PSAP: variants seen among roughly 807,000 people sequenced by gnomAD.
PSAP encodes precursor of saposins.
A neutral mutation model predicts 66.0 loss-of-function variants in PSAP; 25 were observed. The ratio of observed to expected loss-of-function variants is 0.38; its 90% CI spans 0.28 to 0.53. The LOEUF is 0.53. PSAP is among the 20% of genes least tolerant of loss of function. The probability of loss-of-function intolerance (pLI) is 0.83; values close to 1 mark genes in which losing one functional copy is unlikely to be tolerated. For missense variants in PSAP, 649 were observed against 668.8 expected (o/e 0.97, Z 0.33); for synonymous variants, 273 against 258.9 (o/e 1.05, Z -0.52).
At chr10:71,829,653 C>T (rs973760597) in intron 4 of PSAP, among the ~76,000 whole-genome samples, 5 of 152,098 alleles carry the variant, frequency 3.3e-5, no homozygotes, top group African/African-American at 9.6e-5. Context: ...AGCATGAAAA[C>T]GGACTAATAC....
intron 2 of PSAP, 101 bp from the exon 3 acceptor site, chr10:71,832,021 G>C (rs983455275): frequency 8.3e-7 from 1 of 1,203,998 alleles, no homozygotes; most frequent in East Asian, 2.3e-5. Context: ...CTCTAACCAG[G>C]GATATGATCA....
intron 12 of PSAP, 68 bp downstream of exon 12, chr10:71,818,963 C>T (rs1842234660): frequency 3.4e-6 from 5 of 1,460,334 alleles, no homozygotes; most frequent in Non-Finnish European, 4.8e-6. Context: ...CAGAGCAACC[C>T]TTCCGGGTCT....
chr10:71,820,083 A>C (rs946639167), intron 9 of PSAP, among the ~76,000 whole-genome samples, 157 bp downstream of exon 9: 5 of 152,212 alleles, frequency 3.3e-5, no homozygotes, highest in African/African-American at 1.2e-4. Context: ...GCCAGCCTAG[A>C]GGTCCCACTG....
intron 1 of PSAP, among the ~76,000 whole-genome samples, chr10:71,850,733 G>A (rs1022596295): frequency 6.6e-6 from 1 of 152,212 alleles, no homozygotes; most frequent in African/African-American, 2.4e-5. Context: ...CTGCAGCTTC[G>A]CTACCCTTAC....
chr10:71,818,858 T>C (rs766054275), intron 12 of PSAP, 134 bp from the exon 13 acceptor site: 23 of 1,039,686 alleles, frequency 2.2e-5, no homozygotes, highest in Non-Finnish European at 6.0e-6. Flanking sequence ...AACATCAGGG[T>C]TGCTGAGGAA....
At chr10:71,821,544 G>A (rs1197323468) in intron 8 of PSAP, among the ~76,000 whole-genome samples, 9 of 152,298 alleles carry the variant, frequency 5.9e-5, no homozygotes, top group African/African-American at 2.2e-4. Context: ...CCACAGGATG[G>A]GGAAGGACCC....
rs779915400 is a variant in PSAP, at chr10:71,831,896, T to C, written c.199A>G (p.Lys67Glu). 1 of 1,614,072 alleles carries C rather than the reference T, an allele frequency of 6.2e-7. No homozygotes were observed. The highest frequency in any genetic ancestry group is 1.1e-5 in the South Asian group (1 of 91,084). The change falls in exon 3 of 14, where the codon AAA becomes GAA. Residue 67 changes from lysine to glutamate, a missense_variant. Transcript: ENST00000394936. ...TVKSLPCDIC[K>E]DVVTAAGDML... ...TCACCAGCTGCGGTGACAACGTCTT[T>C]GCATATGTCGCAGGGAAGGGATTTC...
At chr10:71,835,925 G>T (rs149802429) in intron 1 of PSAP, among the ~76,000 whole-genome samples, 268 of 151,468 alleles carry the variant, frequency 1.8e-3, no homozygotes, top group African/African-American at 5.9e-3. Flanking sequence ...TTCTACATAC[G>T]TGTGTAACAC....
intron 1 of PSAP, among the ~76,000 whole-genome samples, chr10:71,844,950 T>C (rs1842793506): frequency 6.6e-6 from 1 of 152,182 alleles, no homozygotes; most frequent in African/African-American, 2.4e-5. Context: ...CAGTCAAATG[T>C]GGTCTGAAAA....
Position 71,819,540 on chromosome 10 carries a change from T to A in PSAP, c.1275A>T (p.Lys425Asn). 1 of 1,614,176 alleles carries A rather than the reference T, an allele frequency of 6.2e-7. No homozygotes were observed. The highest frequency in any genetic ancestry group is 8.5e-7 in the Non-Finnish European group (1 of 1,180,036). Residue 425 changes from lysine (K) to asparagine (N), a missense_variant, in exon 11 of 14, where the codon AAA (lysine) becomes AAT (asparagine). Coordinates refer to ENST00000394936, the MANE Select transcript of PSAP (RefSeq NM_002778.4). Reference protein sequence around the residue: ...LVGYLDRNLEKNSTKQEILAA... With the variant: ...LVGYLDRNLENNSTKQEILAA... Reference sequence around the variant, plus strand: ...CCAGGATCTCCTGCTTGGTGCTGTTTTTCTCCAGGTTGCGATCCAAATAAC... The same window carrying A: ...CCAGGATCTCCTGCTTGGTGCTGTTATTCTCCAGGTTGCGATCCAAATAAC...
At chr10:71,819,317 AG>A (rs1842243034) in intron 11 of PSAP, 147 bp downstream of exon 11, 2 of 1,280,870 alleles carry the variant, frequency 1.6e-6, no homozygotes, top group African/African-American at 1.5e-5. Context: ...GCTCATCTTA[AG>A]CCAACAAATC....
intron 7 of PSAP, among the ~76,000 whole-genome samples, chr10:71,822,995 T>A (rs727415): frequency 0.34 from 51,453 of 150,184 alleles, 9,363 homozygotes; most frequent in East Asian, 0.62. Flanking sequence ...CAGCTGAAGA[T>A]ACAGCAAGCT....
chr10:71,819,065 A>G lies in PSAP; in HGVS notation c.1397T>C (p.Leu466Pro). 1 of 1,614,170 alleles carries G rather than the reference A, an allele frequency of 6.2e-7. No individual in the cohort carries two copies. The change falls in exon 12 of 14, where the codon CTG becomes CCG. Residue 466 changes from leucine to proline, a missense_variant. By Grantham distance (98) the Leu-to-Pro change is moderately conservative (BLOSUM62 -3). Transcript: ENST00000394936. ...AEYEPVLIEILVEVMDPSFVC... is the reference protein window; with the variant it reads ...AEYEPVLIEIPVEVMDPSFVC... ...GAAGGAAGGATCCATCACCTCCACC[A>G]GGATCTCGATCAGCACGGGCTCGTA...
intron 1 of PSAP, among the ~76,000 whole-genome samples, chr10:71,849,220 A>AT (rs1016287832): frequency 1.5e-4 from 23 of 152,318 alleles, no homozygotes; most frequent in South Asian, 4.1e-4. Flanking sequence ...AATCAAAATG[A>AT]TTTTTTTATA....
chr10:71,824,776 T>A (rs914153556), intron 7 of PSAP, among the ~76,000 whole-genome samples: 1 of 152,244 alleles, frequency 6.6e-6, no homozygotes, highest in African/African-American at 2.4e-5. Context: ...GTCCATATTT[T>A]CAACACATTT....
rs762026767 is a variant in PSAP at position 71,821,996 on chromosome 10, C to G, written c.789G>C (p.Glu263Asp). The change falls in exon 8 of 14, where the codon GAG becomes GAC. Residue 263 changes from glutamate (E) to aspartate (D), a missense_variant. Physicochemically the swap from Glu to Asp is conservative, Grantham distance 45. Transcript: ENST00000394936. The stretch of plus-strand genomic sequence containing the variant: ...CACAGAACCCAACCAGCGCACAGAT[C>G]TCCTTGGGTTGCTGAAGAGAGCACA... Reference protein sequence around the residue: ...IQMMMHMQPKEICALVGFCDE... With the variant: ...IQMMMHMQPKDICALVGFCDE... 4 of 1,614,176 alleles carry G rather than the reference C, an allele frequency of 2.5e-6. No individual in the cohort carries two copies. The highest frequency in any genetic ancestry group is 3.4e-6 in the Non-Finnish European group (4 of 1,180,028).
At chr10:71,834,094 G>GCA (rs1842574904) in intron 2 of PSAP, among the ~76,000 whole-genome samples, 1 of 152,204 alleles carries the variant, frequency 6.6e-6, no homozygotes, top group Non-Finnish European at 1.5e-5. Flanking sequence ...CATGGGGCAG[G>GCA]CACCTGGAGC....
intron 1 of PSAP, among the ~76,000 whole-genome samples, chr10:71,845,409 T>C (rs1465700696): frequency 6.6e-6 from 1 of 152,140 alleles, no homozygotes; most frequent in Non-Finnish European, 1.5e-5. Flanking sequence ...TAATCACTTT[T>C]CCACTTTTCA....
Position 71,826,180 on chromosome 10 carries a change from G to C in PSAP, c.721-287C>G, listed in dbSNP as rs3819341. On this transcript the variant is annotated intron_variant, in intron 6 of 13. Coordinates refer to ENST00000394936, the MANE Select transcript of PSAP (RefSeq NM_002778.4). ...TGTCTCCTTTATCTTATAACCTCACGTGCCCCAGGATCACACAGCAACTAT... is the reference window on the plus strand; with the variant it reads ...TGTCTCCTTTATCTTATAACCTCACCTGCCCCAGGATCACACAGCAACTAT... 0.17 allele frequency among the ~76,000 whole-genome samples: 25,451 copies of C among 152,090 alleles called. 2,218 individuals carry two copies. The highest frequency in any genetic ancestry group is 0.24 in the East Asian group (1,242 of 5,180).
Sources: allele counts gnomAD v4.1 joint callset (sites outside exome capture counted in the v4.1 genomes callset), GRCh38; gene constraint gnomAD v4.1.1; transcripts MANE v1.5; gene names NCBI Gene and HGNC (gene_info 2026-07-23, HGNC 2026-07-21).